NFATC2: variants seen among roughly 807,000 people sequenced by gnomAD.
NFATC2 encodes the protein nuclear factor of activated T-cells, cytoplasmic 2.
A neutral mutation model predicts 87.3 loss-of-function variants in NFATC2; 22 were observed. That is an observed-to-expected ratio of 0.25 (90% CI 0.18 to 0.36). The LOEUF (loss-of-function observed/expected upper bound fraction) is 0.36, where lower values mean the gene tolerates loss of function less well. Ranked by LOEUF, NFATC2 falls within the 10% of genes least tolerant of loss-of-function variation. The pLI is 1.00. For missense variants in NFATC2, 1,149 were observed against 1,259.1 expected, an observed-to-expected ratio of 0.91 and a Z score of 1.32; for synonymous variants, 565 against 542.2, an observed-to-expected ratio of 1.04 and a Z score of -0.58.
chr20:51,499,862 T>C (rs2076050613), intron 3 of NFATC2, among the ~76,000 whole-genome samples: 1 of 152,194 alleles, frequency 6.6e-6, no homozygotes, highest in Non-Finnish European at 1.5e-5. Flanking sequence ...TTTTCATTTG[T>C]AAGATAGTAG....
intron 9 of NFATC2, among the ~76,000 whole-genome samples, chr20:51,417,177 G>A (rs1168815671): frequency 6.6e-6 from 1 of 152,100 alleles, no homozygotes; most frequent in Non-Finnish European, 1.5e-5. Context: ...AAGATGCAGA[G>A]ATGACCATCC....
intron 6 of NFATC2, among the ~76,000 whole-genome samples, chr20:51,443,472 T>C (rs546289233): frequency 1.3e-5 from 2 of 152,182 alleles, no homozygotes; most frequent in Non-Finnish European, 2.9e-5. Context: ...CGCAGGACCC[T>C]GCAAGGAGGA....
rs2077038823 is a variant in NFATC2, at chr20:51,562,213, A to C, written c.70+347T>G. On this transcript the variant is annotated intron_variant, in intron 1 of 10. Coordinates refer to the NFATC2 transcript ENST00000414705. The surrounding 1 kb of genome is among the most constrained non-coding windows in gnomAD (Gnocchi z 5.8). ...TTATGGCATTTGCTGTCAAAAGCCG[A>C]GTGCTGAAACGGTTAAACAGCCAGC... Among the ~76,000 whole-genome samples the C allele has an allele frequency of 6.6e-6, 1 of 152,244 alleles. No homozygotes were observed. The highest frequency in any genetic ancestry group is 2.1e-4 in the South Asian group (1 of 4,832).
intron 1 of NFATC2, among the ~76,000 whole-genome samples, chr20:51,551,976 G>C (rs2076938096): frequency 6.6e-6 from 1 of 151,578 alleles, no homozygotes; most frequent in Non-Finnish European, 1.5e-5. Context: ...GCAGTGAGCT[G>C]AGATCACGCC....
At chr20:51,486,039 C>T (rs1989684324) in intron 3 of NFATC2, among the ~76,000 whole-genome samples, 1 of 152,060 alleles carries the variant, frequency 6.6e-6, no homozygotes, top group East Asian at 1.9e-4. Flanking sequence ...GGTGAAACCC[C>T]GTCTCTACTA....
intron 1 of NFATC2, among the ~76,000 whole-genome samples, chr20:51,536,898 A>AACACACACACACACAC (rs10648135): frequency 2.7e-5 from 4 of 149,682 alleles, no homozygotes; most frequent in African/African-American, 9.8e-5. Flanking sequence ...GCAAGCACCA[A>AACACACACACACACAC]ACACACACAC....
chr20:51,456,730 C>T (rs1986573671), intron 5 of NFATC2, among the ~76,000 whole-genome samples: 1 of 152,234 alleles, frequency 6.6e-6, no homozygotes, highest in Admixed American at 6.5e-5. Flanking sequence ...AGCCTACGGA[C>T]CTCCCCATCC....
intron 9 of NFATC2, among the ~76,000 whole-genome samples, chr20:51,416,013 G>A (rs1490709530): frequency 6.6e-6 from 1 of 151,998 alleles, no homozygotes; most frequent in Admixed American, 6.5e-5. Flanking sequence ...TGTAATCCCA[G>A]CACTTTGGGA....
At chr20:51,535,801 G>A (rs2076710946) in intron 1 of NFATC2, among the ~76,000 whole-genome samples, 1 of 152,130 alleles carries the variant, frequency 6.6e-6, no homozygotes, top group African/African-American at 2.4e-5. Flanking sequence ...AAGCAGGTCT[G>A]TTTTGATAAG....
At chr20:51,394,556 T>TGTCTCCTCAC (rs111588161) in intron 10 of NFATC2, among the ~76,000 whole-genome samples, 6,531 of 152,158 alleles carry the variant, frequency 0.043, 429 homozygotes, top group African/African-American at 0.15. Context: ...GTCGCACTCC[T>TGTCTCCTCAC]GTCTCCTCAC....
At chr20:51,448,928 C>T (rs1219049793) in intron 6 of NFATC2, among the ~76,000 whole-genome samples, 2 of 152,186 alleles carry the variant, frequency 1.3e-5, no homozygotes, top group Non-Finnish European at 2.9e-5. Flanking sequence ...TTTTCCAAAA[C>T]ACCAAGCTTT....
At chr20:51,536,805 T>C (rs3787186) in intron 1 of NFATC2, among the ~76,000 whole-genome samples, 103,496 of 152,074 alleles carry the variant, frequency 0.68, 35,964 homozygotes, top group African/African-American at 0.83. Flanking sequence ...AAGGCCTGTC[T>C]TTAACTCAAC....
In NFATC2 at chr20:51,542,391, C is replaced by T. The variant is rs778214279; in HGVS notation, c.109G>A (p.Glu37Lys). 6.2e-7 allele frequency: 1 copy of T among 1,607,922 alleles called. No homozygotes were observed. The highest frequency in any genetic ancestry group is 8.5e-7 in the Non-Finnish European group (1 of 1,176,996). The change falls in exon 1 of 11, where the codon GAG becomes AAG. Residue 37 changes from glutamate to lysine, a missense_variant. By Grantham distance (56) the Glu-to-Lys change is moderately conservative. Around this residue, in one of 3 missense-constraint regions of NFATC2, gnomAD observed 563 missense variants for 585.2 expected, o/e 0.96. Coordinates refer to ENST00000371564, the MANE Select transcript of NFATC2 (RefSeq NM_012340.5). The stretch of plus-strand genomic sequence containing the variant: ...CGACCTTCGTTCGGATTCAAATACT[C>T]ATAGTCGAAGAGGATGGAGAAGTCA... ...ELDFSILFDY[E>K]YLNPNEEEPN...
intron 9 of NFATC2, among the ~76,000 whole-genome samples, chr20:51,431,663 A>AT (rs1021203531): frequency 1.4e-4 from 22 of 151,770 alleles, no homozygotes; most frequent in African/African-American, 4.1e-4. Context: ...ATAAAATGGG[A>AT]TTTTTTTTCT....
chr20:51,542,248 C>G, intron 1 of NFATC2, 122 bp downstream of exon 1: 1 of 1,269,586 alleles, frequency 7.9e-7, no homozygotes, highest in Non-Finnish European at 1.0e-6. Context: ...TGGGTAGGGG[C>G]ACCCTCCCTC....
intron 1 of NFATC2, among the ~76,000 whole-genome samples, chr20:51,549,864 G>T (rs923355544): frequency 6.6e-6 from 1 of 152,230 alleles, no homozygotes; most frequent in African/African-American, 2.4e-5. Context: ...CCTGCACTTG[G>T]TTGAATGCTC....
chr20:51,471,947 A>C (rs1988245511), intron 5 of NFATC2, among the ~76,000 whole-genome samples: 1 of 152,182 alleles, frequency 6.6e-6, no homozygotes, highest in African/African-American at 2.4e-5. Context: ...TACATCCTAC[A>C]CATGTACCCT....
upstream of NFATC2, among the ~76,000 whole-genome samples, chr20:51,544,062 A>C (rs761268773): frequency 7.8e-6 from 1 of 128,684 alleles, no homozygotes; most frequent in Non-Finnish European, 1.5e-5. Context: ...ATCTTGGCTC[A>C]TTGCAAGCTC....
At chr20:51,540,581 A>G (rs1386288623) in intron 1 of NFATC2, among the ~76,000 whole-genome samples, 1 of 150,132 alleles carries the variant, frequency 6.7e-6, no homozygotes, top group Non-Finnish European at 1.5e-5. Context: ...GGTATTGGGT[A>G]TATGGGAACT....
Sources: allele counts gnomAD v4.1 joint callset (sites outside exome capture counted in the v4.1 genomes callset), GRCh38; gene constraint gnomAD v4.1.1; regional missense constraint gnomAD v4.1.1; non-coding constraint Gnocchi (gnomAD v3.1); transcripts MANE v1.5; gene names NCBI Gene and HGNC (gene_info 2026-07-23, HGNC 2026-07-21).